AHCY: variants seen among roughly 807,000 people sequenced by gnomAD.
AHCY encodes the protein S-adenosyl-L-homocysteine hydrolase.
In AHCY, 24 loss-of-function variants were observed where a neutral mutation model predicts 45.4. The ratio of observed to expected loss-of-function variants is 0.53; its 90% CI spans 0.38 to 0.74. The LOEUF (loss-of-function observed/expected upper bound fraction) is 0.74, where lower values mean the gene tolerates loss of function less well. Among genes scored for constraint, AHCY ranks in the 30% least tolerant of loss-of-function variants. The pLI is 0.00. For missense variants in AHCY, 449 were observed against 594.1 expected (o/e 0.76, Z 2.54); for synonymous variants, 245 against 235.1 (o/e 1.04, Z -0.39).
intron 1 of AHCY, among the ~76,000 whole-genome samples, chr20:34,298,609 A>AG (rs35505406): frequency 0.013 from 1,085 of 83,026 alleles, 23 homozygotes; most frequent in African/African-American, 0.035. Flanking sequence ...CGGCGGCGGG[A>AG]GGGGGGGGGG....
chr20:34,262,830 A>G, the AHCY span: 1 of 1,613,862 alleles, frequency 6.2e-7, no homozygotes, highest in Non-Finnish European at 8.5e-7. Flanking sequence ...CTCTCTTTGA[A>G]GCGCTGAACA....
chr20:34,262,988 A>T, the AHCY span: 1 of 1,406,040 alleles, frequency 7.1e-7, no homozygotes, highest in South Asian at 1.2e-5. Flanking sequence ...ACTAAATGAA[A>T]GATTTTTCAG....
intron 1 of AHCY, among the ~76,000 whole-genome samples, chr20:34,298,476 G>A (rs1414852722): frequency 6.6e-6 from 1 of 152,104 alleles, no homozygotes; most frequent in Non-Finnish European, 1.5e-5. Context: ...GCCACCAGAG[G>A]GCTCCTTGGT....
chr20:34,286,936 G>A (rs2036208213), intron 8 of AHCY, among the ~76,000 whole-genome samples: 1 of 150,558 alleles, frequency 6.6e-6, no homozygotes, highest in Non-Finnish European at 1.5e-5. Context: ...CCAAGGTTGA[G>A]AACTCCCGGT....
the AHCY span, among the ~76,000 whole-genome samples, chr20:34,245,625 A>G: frequency 1.3e-5 from 2 of 151,688 alleles, no homozygotes; most frequent in Non-Finnish European, 2.9e-5. Flanking sequence ...TCCTGACCTC[A>G]TGATCCACCC....
the AHCY span, chr20:34,241,370 A>G: frequency 2.5e-6 from 2 of 794,172 alleles, no homozygotes; most frequent in Non-Finnish European, 3.1e-6. Context: ...ATAATTTTGT[A>G]GTATGATTGG....
the AHCY span, among the ~76,000 whole-genome samples, chr20:34,235,596 C>T: frequency 1.3e-5 from 2 of 151,798 alleles, no homozygotes; most frequent in South Asian, 4.2e-4. Context: ...ACAATCATGG[C>T]CAAAACAAAA....
At chr20:34,255,888 G>A in the AHCY span, among the ~76,000 whole-genome samples, 3 of 152,148 alleles carry the variant, frequency 2.0e-5, no homozygotes, top group Non-Finnish European at 2.9e-5. Context: ...CCGAGAAAGG[G>A]AGTCTCCCTT....
At chr20:34,292,063 GC>G (rs1421691867) in intron 4 of AHCY, among the ~76,000 whole-genome samples, 7 of 152,322 alleles carry the variant, frequency 4.6e-5, no homozygotes, top group Admixed American at 1.3e-4. Flanking sequence ...AGCCATTCCT[GC>G]CTCAGGGCCT....
At chr20:34,250,058 C>T in the AHCY span, 1 of 152,328 alleles carries the variant, frequency 6.6e-6, no homozygotes, top group Non-Finnish European at 1.5e-5. Flanking sequence ...GCTGATACTT[C>T]TTGATCTGTG....
chr20:34,260,317 C>G, the AHCY span: 1 of 1,559,126 alleles, frequency 6.4e-7, no homozygotes, highest in Non-Finnish European at 8.7e-7. Flanking sequence ...AGGCCTCTTA[C>G]CATTACCCCT....
chr20:34,281,254 T>G, intron 9 of AHCY, 89 bp from the exon 10 acceptor site: 1 of 1,571,244 alleles, frequency 6.4e-7, no homozygotes, highest in Non-Finnish European at 8.7e-7. Flanking sequence ...AGAAGTGTTC[T>G]GTTAGGGTTT....
the AHCY span, chr20:34,241,606 G>T: frequency 1.1e-6 from 1 of 928,494 alleles, no homozygotes; most frequent in Admixed American, 6.2e-5. Flanking sequence ...AGATTTTTTT[G>T]ATTCACTTTT....
chr20:34,259,421 G>A, the AHCY span, among the ~76,000 whole-genome samples: 9 of 151,892 alleles, frequency 5.9e-5, no homozygotes, highest in South Asian at 2.1e-4. Context: ...GCTGAGGCAC[G>A]AGAATCTCTT....
upstream of AHCY, among the ~76,000 whole-genome samples, chr20:34,307,459 TC>T (rs2036907534): frequency 6.6e-6 from 1 of 151,076 alleles, no homozygotes; most frequent in South Asian, 2.1e-4. Flanking sequence ...TGCAACCTCC[TC>T]CTCCCAAGTT....
At chr20:34,257,649 A>G in the AHCY span, among the ~76,000 whole-genome samples, 1 of 152,148 alleles carries the variant, frequency 6.6e-6, no homozygotes, top group Admixed American at 6.5e-5. Flanking sequence ...ACAGCATGAT[A>G]TAATAATAAG....
the AHCY span, among the ~76,000 whole-genome samples, chr20:34,257,811 C>T: frequency 1.3e-5 from 2 of 152,160 alleles, no homozygotes; most frequent in Non-Finnish European, 2.9e-5. Context: ...ATTATTGGCA[C>T]ATTAGCCTTT....
chr20:34,307,960 C>G (rs2036912922), upstream of AHCY, among the ~76,000 whole-genome samples: 2 of 151,942 alleles, frequency 1.3e-5, no homozygotes, highest in South Asian at 4.2e-4. Context: ...TCACCCTCAT[C>G]CCTCAAATAG....
chr20:34,246,226 T>C, the AHCY span: 2 of 1,497,376 alleles, frequency 1.3e-6, no homozygotes, highest in East Asian at 4.8e-5. Context: ...TCTTCTTTTT[T>C]TGTTTTATTT....
Sources: gnomAD v4.1 joint callset for allele counts (sites outside exome capture counted in the v4.1 genomes callset) on GRCh38, gnomAD v4.1.1 for gene constraint, MANE v1.5 for transcripts, NCBI Gene and HGNC (gene_info 2026-07-23, HGNC 2026-07-21) for gene names.